Variants in CLSTN2 observed in about 807,000 individuals in gnomAD.
CLSTN2 encodes calsyntenin 2.
Under a neutral mutation model 101.2 loss-of-function variants are expected in CLSTN2, and 48 were observed. The observed-to-expected ratio is 0.47, with a 90% CI of 0.38 to 0.60. CLSTN2 has a LOEUF of 0.60. CLSTN2 is among the 20% of genes least tolerant of loss of function. The probability of loss-of-function intolerance (pLI) is 0.00; values close to 1 mark genes in which losing one functional copy is unlikely to be tolerated. For synonymous variants in CLSTN2, 481 were observed against 463.6 expected (o/e 1.04, Z -0.48); for missense variants, 1,160 against 1,238.2 (o/e 0.94, Z 0.95).
intron 2 of CLSTN2, among the ~76,000 whole-genome samples, chr3:140,368,714 CTG>C (rs1297574698): frequency 6.6e-6 from 1 of 152,150 alleles, no homozygotes; most frequent in Non-Finnish European, 1.5e-5. Context: ...TGTGCAAAGA[CTG>C]GTCAGGACTT....
chr3:140,267,605 C>T (rs1268679444), intron 2 of CLSTN2, among the ~76,000 whole-genome samples: 2 of 152,196 alleles, frequency 1.3e-5, no homozygotes, highest in Admixed American at 1.3e-4. Flanking sequence ...GTTATATTCT[C>T]AGAGACCGGG....
intron 8 of CLSTN2, among the ~76,000 whole-genome samples, chr3:140,487,484 A>G (rs1934262161): frequency 6.6e-6 from 1 of 152,222 alleles, no homozygotes; most frequent in Non-Finnish European, 1.5e-5. Flanking sequence ...AGTGAGAATG[A>G]GTTGGTGTTT....
chr3:140,305,380 G>A (rs1472422018), intron 2 of CLSTN2, among the ~76,000 whole-genome samples: 6 of 152,024 alleles, frequency 3.9e-5, no homozygotes, highest in African/African-American at 1.4e-4. Flanking sequence ...TAGTGTCTTC[G>A]AAACACCTTA....
chr3:139,946,352 G>C (rs1203529355), intron 1 of CLSTN2, among the ~76,000 whole-genome samples: 1 of 152,196 alleles, frequency 6.6e-6, no homozygotes, highest in Non-Finnish European at 1.5e-5. Flanking sequence ...TTAATAAAAG[G>C]TACCCCAGCA....
At chr3:140,554,140 C>A (rs577688237) in intron 10 of CLSTN2, among the ~76,000 whole-genome samples, 1 of 152,096 alleles carries the variant, frequency 6.6e-6, no homozygotes, top group Non-Finnish European at 1.5e-5. Context: ...GGCACCAAAG[C>A]GCAGTGGGGA....
At chr3:140,377,782 A>G (rs2087932634) in intron 2 of CLSTN2, among the ~76,000 whole-genome samples, 1 of 152,184 alleles carries the variant, frequency 6.6e-6, no homozygotes, top group Non-Finnish European at 1.5e-5. Flanking sequence ...AAAGAAAAAT[A>G]TGTTTAGCAC....
chr3:139,955,457 A>C (rs190867519), intron 1 of CLSTN2, among the ~76,000 whole-genome samples: 1 of 152,044 alleles, frequency 6.6e-6, no homozygotes, highest in African/African-American at 2.4e-5. Flanking sequence ...TTAGCGAAAC[A>C]GTGACCATTT....
In CLSTN2 at chr3:140,410,210, A is replaced by G. The variant is rs2088347758; in HGVS notation, c.637+5444A>G. Among the ~76,000 whole-genome samples the G allele has an allele frequency of 5.3e-5, 8 of 152,052 alleles. No individual in the cohort carries two copies. In the South Asian group the frequency reaches 1.5e-3, roughly 28 times the overall value. ...ACATGAAACTTAAAGTTCTCTAATT[A>G]CATTCAACCCCAAAAGACTTTGCCA... is the stretch of plus-strand genomic sequence containing the variant. On this transcript the variant is annotated intron_variant, in intron 4 of 16. Coordinates refer to ENST00000458420, the MANE Select transcript of CLSTN2 (RefSeq NM_022131.3).
At chr3:140,010,525 T>A (rs1473148409) in intron 1 of CLSTN2, among the ~76,000 whole-genome samples, 3 of 152,222 alleles carry the variant, frequency 2.0e-5, no homozygotes, top group Non-Finnish European at 4.4e-5. Flanking sequence ...CAGGTTTACA[T>A]CTTGCTCTTT....
At chr3:139,978,509 A>G (rs914097148) in intron 1 of CLSTN2, among the ~76,000 whole-genome samples, 14 of 152,212 alleles carry the variant, frequency 9.2e-5, no homozygotes, top group African/African-American at 2.9e-4. Flanking sequence ...ATCTTGTGCA[A>G]AAAAAGGAAA....
intron 1 of CLSTN2, among the ~76,000 whole-genome samples, chr3:140,167,120 CA>C (rs1267681305): frequency 6.6e-6 from 1 of 152,146 alleles, no homozygotes; most frequent in Non-Finnish European, 1.5e-5. Context: ...CCCATGAAGC[CA>C]AGGTTTGGAA....
At chr3:140,164,587 A>G (rs1310480927) in intron 1 of CLSTN2, among the ~76,000 whole-genome samples, 2 of 152,200 alleles carry the variant, frequency 1.3e-5, no homozygotes, top group African/African-American at 4.8e-5. Flanking sequence ...ATTAATTGCA[A>G]TACCCCTTAC....
At chr3:139,940,437 G>A (rs955429317) in intron 1 of CLSTN2, among the ~76,000 whole-genome samples, 1 of 152,100 alleles carries the variant, frequency 6.6e-6, no homozygotes, top group Non-Finnish European at 1.5e-5. Context: ...ATAGTTGTCA[G>A]GGCACTTAGC....
At chr3:140,394,402 A>T (rs1245271509) in intron 2 of CLSTN2, among the ~76,000 whole-genome samples, 1 of 152,212 alleles carries the variant, frequency 6.6e-6, no homozygotes, top group African/African-American at 2.4e-5. Context: ...ATTGTAAAGA[A>T]AGGGACATGA....
chr3:140,216,257 C>G (rs1247125713), intron 2 of CLSTN2, among the ~76,000 whole-genome samples: 1 of 151,990 alleles, frequency 6.6e-6, no homozygotes, highest in Non-Finnish European at 1.5e-5. Context: ...TGAAACCGGT[C>G]CCTAGTGCCC....
intron 2 of CLSTN2, among the ~76,000 whole-genome samples, chr3:140,339,168 G>T (rs1351157152): frequency 6.6e-6 from 1 of 152,182 alleles, no homozygotes; most frequent in East Asian, 1.9e-4. Flanking sequence ...TTGGTACCTT[G>T]TCTGTACCAT....
chr3:140,032,084 C>T (rs917591375), intron 1 of CLSTN2, among the ~76,000 whole-genome samples: 1 of 152,118 alleles, frequency 6.6e-6, no homozygotes, highest in Admixed American at 6.5e-5. Context: ...CTCCTTCCCC[C>T]ACAGACCAAA....
At chr3:140,460,184 T>C (rs1219019708) in intron 7 of CLSTN2, 1 of 193,590 alleles carries the variant, frequency 5.2e-6, no homozygotes, top group Non-Finnish European at 1.1e-5. Flanking sequence ...AGCTATCTTT[T>C]GAATAAAGTA....
intron 1 of CLSTN2, among the ~76,000 whole-genome samples, chr3:140,174,779 CT>C (rs1458006020): frequency 6.6e-6 from 1 of 152,152 alleles, no homozygotes; most frequent in Non-Finnish European, 1.5e-5. Flanking sequence ...TACTGGGTCC[CT>C]CCCACAACAT....
Sources: allele counts gnomAD v4.1 joint callset (sites outside exome capture counted in the v4.1 genomes callset), GRCh38; gene constraint gnomAD v4.1.1; transcripts MANE v1.5; gene names NCBI Gene and HGNC (gene_info 2026-07-23, HGNC 2026-07-21).